Variants in CREB5 observed in about 807,000 individuals in gnomAD.
The protein encoded by CREB5 is cyclic AMP-responsive element-binding protein 5.
Under a neutral mutation model 57.1 loss-of-function variants are expected in CREB5, and 19 were observed. The ratio of observed to expected loss-of-function variants is 0.33; its 90% CI spans 0.23 to 0.49. The LOEUF is 0.49. Among genes scored for constraint, CREB5 ranks in the 20% least tolerant of loss-of-function variants. The probability of loss-of-function intolerance (pLI) is 0.99; values close to 1 mark genes in which losing one functional copy is unlikely to be tolerated. For missense variants in CREB5, 579 were observed against 671.6 expected (o/e 0.86, Z 1.52); for synonymous variants, 238 against 238.3 (o/e 1.00, Z 0.01).
chr7:28,773,655 A>G (rs1806460227), intron 7 of CREB5, among the ~76,000 whole-genome samples: 2 of 152,186 alleles, frequency 1.3e-5, no homozygotes, highest in South Asian at 4.1e-4. Context: ...ACAGCTGGCC[A>G]TAGTTTGCCA....
intron 3 of CREB5, among the ~76,000 whole-genome samples, chr7:28,507,086 G>C (rs1394673797): frequency 6.6e-6 from 1 of 152,208 alleles, no homozygotes; most frequent in African/African-American, 2.4e-5. Flanking sequence ...TTTTCAGAAA[G>C]AGAGACAGAA....
intron 1 of CREB5, among the ~76,000 whole-genome samples, chr7:28,451,790 C>T (rs550073268): frequency 6.6e-6 from 1 of 152,160 alleles, no homozygotes; most frequent in Admixed American, 6.5e-5. Flanking sequence ...GTCCTGGGAA[C>T]TTAAATGTAA....
chr7:28,715,164 T>A (rs1028494455), intron 5 of CREB5, among the ~76,000 whole-genome samples: 1 of 152,178 alleles, frequency 6.6e-6, no homozygotes, highest in Non-Finnish European at 1.5e-5. Flanking sequence ...ACTGTGAATA[T>A]CAAAAGAAAT....
At chr7:28,538,479 A>G (rs1339801523) in intron 4 of CREB5, among the ~76,000 whole-genome samples, 1 of 152,006 alleles carries the variant, frequency 6.6e-6, no homozygotes, top group African/African-American at 2.4e-5. Flanking sequence ...ATAATATATG[A>G]CTCTTCTCTT....
chr7:28,361,095 T>C (rs1178427194), intron 1 of CREB5, among the ~76,000 whole-genome samples: 3 of 152,158 alleles, frequency 2.0e-5, no homozygotes, highest in Non-Finnish European at 4.4e-5. Flanking sequence ...ACACCTCTGA[T>C]TTATTTTAAT....
At chr7:28,583,090 C>T (rs1282388539) in intron 5 of CREB5, among the ~76,000 whole-genome samples, 2 of 152,108 alleles carry the variant, frequency 1.3e-5, no homozygotes, top group African/African-American at 4.8e-5. Context: ...GGCAGGGCTC[C>T]CCATTTCCCA....
chr7:28,723,627 A>G (rs993180790), intron 6 of CREB5, among the ~76,000 whole-genome samples: 1 of 152,184 alleles, frequency 6.6e-6, no homozygotes, highest in Non-Finnish European at 1.5e-5. Flanking sequence ...CTGGATCACA[A>G]TGATTGTGTT....
chr7:28,632,120 A>C (rs1798228272), intron 5 of CREB5, among the ~76,000 whole-genome samples: 1 of 152,212 alleles, frequency 6.6e-6, no homozygotes, highest in Non-Finnish European at 1.5e-5. Flanking sequence ...CATAAGAGTC[A>C]AGACTAACAT....
chr7:28,352,644 C>T (rs553295723), intron 1 of CREB5, among the ~76,000 whole-genome samples: 1 of 152,292 alleles, frequency 6.6e-6, no homozygotes, highest in African/African-American at 2.4e-5. Context: ...AGTCACATTC[C>T]TCATGTCAAT....
intron 5 of CREB5, among the ~76,000 whole-genome samples, chr7:28,631,142 G>A (rs910181093): frequency 3.3e-5 from 5 of 152,134 alleles, no homozygotes; most frequent in Admixed American, 2.0e-4. Context: ...CTTGGTCAGG[G>A]CCATTGATTC....
At chr7:28,498,916 GA>G (rs1431268492) in intron 3 of CREB5, among the ~76,000 whole-genome samples, 4 of 152,340 alleles carry the variant, frequency 2.6e-5, no homozygotes, top group African/African-American at 9.6e-5. Context: ...TTGTGATGCA[GA>G]AGGTTTTTGA....
intron 7 of CREB5, among the ~76,000 whole-genome samples, chr7:28,803,710 C>T (rs551353060): frequency 1.4e-5 from 2 of 144,906 alleles, no homozygotes; most frequent in Admixed American, 7.1e-5. Context: ...GAGCCGAGAT[C>T]GCACCACTGC....
At chr7:28,353,676 T>C (rs189237198) in intron 1 of CREB5, among the ~76,000 whole-genome samples, 4 of 151,828 alleles carry the variant, frequency 2.6e-5, no homozygotes, top group Non-Finnish European at 5.9e-5. Flanking sequence ...ACCCCGTCTC[T>C]ACTAAAAATA....
chr7:28,570,989 G>A (rs778104584), intron 5 of CREB5, among the ~76,000 whole-genome samples: 5 of 152,054 alleles, frequency 3.3e-5, no homozygotes, highest in Non-Finnish European at 7.4e-5. Context: ...GTCCGTGAGA[G>A]ATAAATTCCA....
chr7:28,557,514 A>G (rs1236516798), intron 4 of CREB5, among the ~76,000 whole-genome samples: 1 of 152,168 alleles, frequency 6.6e-6, no homozygotes, highest in Non-Finnish European at 1.5e-5. Context: ...AAGAATAAGG[A>G]TCAGAAATGA....
chr7:28,593,282 T>C (rs1426853317), intron 5 of CREB5, among the ~76,000 whole-genome samples: 1 of 152,242 alleles, frequency 6.6e-6, no homozygotes, highest in Non-Finnish European at 1.5e-5. Context: ...ACAGTCTTGC[T>C]CTGTTGCTCA....
intron 5 of CREB5, among the ~76,000 whole-genome samples, chr7:28,612,543 GGTGTGTGTGTGTGTGT>G (rs59074697): frequency 2.3e-4 from 31 of 137,376 alleles, no homozygotes; most frequent in African/African-American, 6.5e-4. Context: ...TTAGAGAAGG[GGTGTGTGTGTGTGTGT>G]GTGTGTGTGT....
intron 1 of CREB5, among the ~76,000 whole-genome samples, chr7:28,434,452 C>T (rs1788859127): frequency 6.6e-6 from 1 of 151,910 alleles, no homozygotes; most frequent in Non-Finnish European, 1.5e-5. Flanking sequence ...GATTATTTTA[C>T]CCCATGCTAG....
At chr7:28,487,995 C>A (rs986526028) in intron 1 of CREB5, among the ~76,000 whole-genome samples, 180 bp from the exon 2 acceptor site, 1 of 152,156 alleles carries the variant, frequency 6.6e-6, no homozygotes. Context: ...CCTAGGTGAG[C>A]CCAAAGAACT....
Sources: gnomAD v4.1 joint callset for allele counts (sites outside exome capture counted in the v4.1 genomes callset) on GRCh38, gnomAD v4.1.1 for gene constraint, MANE v1.5 for transcripts, NCBI Gene and HGNC (gene_info 2026-07-23, HGNC 2026-07-21) for gene names.